Variants in MYH3 observed in about 807,000 individuals in gnomAD.
The protein encoded by MYH3 is myosin-3.
In MYH3, 130 loss-of-function variants were observed where a neutral mutation model predicts 238.0. The ratio of observed to expected loss-of-function variants is 0.55; its 90% CI spans 0.47 to 0.63. The LOEUF is 0.63. Among genes scored for constraint, MYH3 ranks in the 30% least tolerant of loss-of-function variants. The pLI, the probability that MYH3 is intolerant of heterozygous loss-of-function variation, is 0.00. For synonymous variants in MYH3, 880 were observed against 924.1 expected (o/e 0.95, Z 0.86); for missense variants, 1,853 against 2,374.9 (o/e 0.78, Z 4.57).
rs537656234 is a variant in MYH3, at chr17:10,634,088, T to C, written c.4451A>G (p.Lys1484Arg). 152 of 1,614,248 alleles carry C rather than the reference T, an allele frequency of 9.4e-5. 4 individuals are homozygous for C. The South Asian group carries it at 1.5e-3, about 16-fold the overall frequency. ...GGCTTCCTCGTAGGCATTTTTCAGT[T>C]TGAAGAGCTCAGTGCTCAAGGAGCG... ...ESRSLSTELFKLKNAYEEALD... is the reference protein window; with the variant it reads ...ESRSLSTELFRLKNAYEEALD... Residue 1484 changes from lysine (K) to arginine (R), a missense_variant, in exon 32 of 41, where the codon AAA (lysine) becomes AGA (arginine). Physicochemically the swap from Lys to Arg is conservative, Grantham distance 26. This residue lies in a region of MYH3 where 1,044 missense variants were observed against 1,192.6 expected (regional missense o/e 0.88). Transcript: ENST00000583535.
intron 36 of MYH3, 143 bp from the exon 37 acceptor site, chr17:10,630,601 G>C (rs566151601): frequency 6.2e-6 from 8 of 1,290,674 alleles, no homozygotes; most frequent in Admixed American, 5.6e-5. Context: ...TGTAATCCCA[G>C]CACTTTGGGA....
chr17:10,658,151 G>A (rs940060429), upstream of MYH3, among the ~76,000 whole-genome samples: 10 of 152,158 alleles, frequency 6.6e-5, no homozygotes, highest in Admixed American at 5.2e-4. Flanking sequence ...GCGGACAAGG[G>A]GGGGCTGTCT....
chr17:10,649,647 C>T lies in MYH3; in HGVS notation c.572G>A (p.Arg191Gln), dbSNP rs1465496934. Residue 191 changes from arginine (R) to glutamine (Q), a missense_variant, in exon 7 of 41, where the codon CGG becomes CAG. Coordinates refer to ENST00000583535, the MANE Select transcript of MYH3 (RefSeq NM_002470.4). ...AATTGTTGCAAAGTACTGGATGACC[C>T]GTTTGGTGTTCACAGTCTTTCCTGC... ...SGAGKTVNTK[R>Q]VIQYFATIAA... 1 of 1,614,118 alleles carries T rather than the reference C, an allele frequency of 6.2e-7. No individual in the cohort carries two copies. The highest frequency in any genetic ancestry group is 8.5e-7 in the Non-Finnish European group (1 of 1,180,052).
chr17:10,650,882 T>C (rs981773985), intron 5 of MYH3, among the ~76,000 whole-genome samples: 5 of 152,060 alleles, frequency 3.3e-5, no homozygotes, highest in African/African-American at 1.2e-4. Context: ...AGAGGGCAAG[T>C]CTCCACTCAG....
At chr17:10,644,020 C>A (rs1191015918) in intron 14 of MYH3, among the ~76,000 whole-genome samples, 1 of 151,894 alleles carries the variant, frequency 6.6e-6, no homozygotes, top group Admixed American at 6.6e-5. Flanking sequence ...ATTAGCCAGG[C>A]ATGGTGGCAC....
At chr17:10,669,789 T>C in the MYH3 span, among the ~76,000 whole-genome samples, 2 of 152,190 alleles carry the variant, frequency 1.3e-5, no homozygotes, top group South Asian at 2.1e-4. Flanking sequence ...TATGTGCCTG[T>C]AGTCCTAGCT....
At position 10,642,383 on chromosome 17, in the gene MYH3, G is replaced by A. The variant is rs747931879; in HGVS notation, c.1888+34C>T. 2.8e-5 allele frequency: 45 copies of A among 1,613,946 alleles called. No individual in the cohort carries two copies. Among genetic ancestry groups the A allele is most frequent in the Non-Finnish European group, 3.6e-5 (43 of 1,179,950 alleles). On this transcript the variant is annotated intron_variant, in intron 16 of 40. Coordinates refer to ENST00000583535, the MANE Select transcript of MYH3 (RefSeq NM_002470.4). This position sits in a 1 kb window ranked among gnomAD's most constrained non-coding sequence, Gnocchi z 5.4. ...TTTTTGTTACTGTGGAACAAATGGAGGGAAATCACATGGACACAAAGCACT... is the reference window on the plus strand; with the variant it reads ...TTTTTGTTACTGTGGAACAAATGGAAGGAAATCACATGGACACAAAGCACT...
rs2142387311 is a variant in MYH3 at position 10,634,138 on chromosome 17, C to T, written c.4401G>A (p.Glu1467=). 1 of 1,614,248 alleles carries T rather than the reference C, an allele frequency of 6.2e-7. No individual in the cohort carries two copies. The highest frequency in any genetic ancestry group is 1.3e-5 in the African/African-American group (1 of 75,064). The change falls in exon 32 of 41, where the codon GAG becomes GAA. Residue 1467 remains glutamate (E), a synonymous_variant. Coordinates refer to ENST00000583535, the MANE Select transcript of MYH3 (RefSeq NM_002470.4). ...WKTKCEESQA[E]LEASLKESRS... is the part of the protein sequence containing the mutation. ...GGGACTCCTTCAGGGATGCCTCCAGCTCTGCTTGGCTCTCCTCACACTTTG... is the reference window on the plus strand; with the variant it reads ...GGGACTCCTTCAGGGATGCCTCCAGTTCTGCTTGGCTCTCCTCACACTTTG...
intron 4 of MYH3, 113 bp from the exon 5 acceptor site, chr17:10,651,781 G>T (rs1317490258): frequency 1.2e-5 from 17 of 1,374,790 alleles, no homozygotes; most frequent in Non-Finnish European, 1.7e-5. Context: ...GTCTCACTCT[G>T]TCACCAGGCT....
chr17:10,664,695 C>T, the MYH3 span, among the ~76,000 whole-genome samples: 2 of 152,118 alleles, frequency 1.3e-5, no homozygotes, highest in Non-Finnish European at 1.5e-5. Flanking sequence ...GAGACGACCC[C>T]GTATCTATGG....
At chr17:10,644,192 C>A (rs954910752) in intron 14 of MYH3, among the ~76,000 whole-genome samples, 159 bp downstream of exon 14, 1 of 151,506 alleles carries the variant, frequency 6.6e-6, no homozygotes, top group African/African-American at 2.4e-5. Context: ...CTAATACAAA[C>A]CCTTCCAATA....
chr17:10,652,036 C>T lies in MYH3; in HGVS notation c.349-368G>A, dbSNP rs551452083. The T allele has an allele frequency of 1.1e-3, 441 of 393,734 alleles. 5 individuals carry two copies. Among genetic ancestry groups the T allele is most frequent in the South Asian group, 5.9e-3 (263 of 44,658 alleles). 24.4% of individuals were successfully genotyped at this position (393,734 alleles called of 1,614,324 possible). On this transcript the variant is annotated intron_variant, in intron 4 of 40. Transcript: ENST00000583535. ...GATTACGGGCGTGAGCCACCACACC[C>T]AGCTGCCTTTATTATTATCTCATGT... is the stretch of plus-strand genomic sequence containing the variant.
chr17:10,673,820 T>C, the MYH3 span: 1 of 152,210 alleles, frequency 6.6e-6, no homozygotes, highest in Non-Finnish European at 1.5e-5. Context: ...AAACGCTTGG[T>C]ATACTGTGCT....
At chr17:10,641,739 C>T (rs1285486735) in intron 17 of MYH3, among the ~76,000 whole-genome samples, 2 of 152,104 alleles carry the variant, frequency 1.3e-5, no homozygotes, top group East Asian at 1.9e-4. Flanking sequence ...TGGTCTCGAT[C>T]TTCTGACCTT....
intron 28 of MYH3, among the ~76,000 whole-genome samples, chr17:10,637,099 GC>G (rs1285244459): frequency 6.8e-6 from 1 of 146,674 alleles, no homozygotes; most frequent in Non-Finnish European, 1.5e-5. Flanking sequence ...CATTCTTGTT[GC>G]CCAGGCTGGA....
the MYH3 span, among the ~76,000 whole-genome samples, chr17:10,664,062 T>TAAAAAA: frequency 1.6e-5 from 1 of 63,342 alleles, no homozygotes; most frequent in African/African-American, 5.5e-5. Flanking sequence ...GACTCCGTCT[T>TAAAAAA]AAAAAAAAAA....
At position 10,642,011 on chromosome 17, in the gene MYH3, C is replaced by T. The variant is rs767446419; in HGVS notation, c.1959+229G>A. ...AATTGGAGAGTTTATGCTGGAAACT[C>T]GGACAAGCCAACTCAGCTATCTTTG... On this transcript the variant is annotated intron_variant, in intron 17 of 40. Coordinates refer to ENST00000583535, the MANE Select transcript of MYH3 (RefSeq NM_002470.4). This position sits in a 1 kb window ranked among gnomAD's most constrained non-coding sequence, Gnocchi z 5.4. Among the ~76,000 whole-genome samples the T allele has an allele frequency of 3.4e-4, 52 of 152,166 alleles. No homozygotes were observed. Among genetic ancestry groups the T allele is most frequent in the Non-Finnish European group, 5.9e-4 (40 of 68,038 alleles).
At position 10,634,111 on chromosome 17, in the gene MYH3, G is replaced by C. The variant is rs1208917617; in HGVS notation, c.4428C>G (p.Arg1476=). 3 of 1,614,090 alleles carry C rather than the reference G, an allele frequency of 1.9e-6. No homozygotes were observed. Among genetic ancestry groups the C allele is most frequent in the African/African-American group, 2.7e-5 (2 of 74,944 alleles). ...AELEASLKES[R]SLSTELFKLK... is the part of the protein sequence containing the mutation. ...GTTTGAAGAGCTCAGTGCTCAAGGA[G>C]CGGGACTCCTTCAGGGATGCCTCCA... Residue 1476 remains arginine (R), a synonymous_variant, in exon 32 of 41, where the codon CGC becomes CGG. Coordinates refer to ENST00000583535, the MANE Select transcript of MYH3 (RefSeq NM_002470.4).
chr17:10,638,824 T>G (rs777728472), intron 26 of MYH3, 49 bp downstream of exon 26: 1 of 1,569,788 alleles, frequency 6.4e-7, no homozygotes, highest in South Asian at 1.1e-5. Flanking sequence ...AGCACCCAGC[T>G]CACTGTAAGT....
Sources: gnomAD v4.1 joint callset for allele counts (sites outside exome capture counted in the v4.1 genomes callset) on GRCh38, gnomAD v4.1.1 for gene constraint, gnomAD v4.1.1 regional missense constraint, Gnocchi (gnomAD v3.1) non-coding constraint, MANE v1.5 for transcripts, NCBI Gene and HGNC (gene_info 2026-07-23, HGNC 2026-07-21) for gene names.